The following STPG2 variants were observed in gnomAD, a reference collection of about 807,000 sequenced individuals.
The protein encoded by STPG2 is sperm-tail PG-rich repeat-containing protein 2.
Under a neutral mutation model 54.2 loss-of-function variants are expected in STPG2, and 56 were observed. The observed-to-expected ratio is 1.03, with a 90% CI of 0.83 to 1.29. STPG2 has a LOEUF of 1.29. STPG2 is among the 50% of genes most tolerant of loss of function. The probability of loss-of-function intolerance (pLI) is 0.00; values close to 1 mark genes in which losing one functional copy is unlikely to be tolerated. For synonymous variants in STPG2, 200 were observed against 181.8 expected, an observed-to-expected ratio of 1.10 and a Z score of -0.81; for missense variants, 596 against 544.9, an observed-to-expected ratio of 1.09 and a Z score of -0.93.
chr4:97,713,890 A>T (rs551707370), intron 9 of STPG2, among the ~76,000 whole-genome samples: 45 of 152,286 alleles, frequency 3.0e-4, no homozygotes, highest in African/African-American at 9.9e-4. Flanking sequence ...TGTCTATCAC[A>T]TGCCAAACCT....
intron 9 of STPG2, among the ~76,000 whole-genome samples, chr4:97,828,200 T>C (rs913216090): frequency 6.6e-5 from 10 of 152,014 alleles, no homozygotes; most frequent in African/African-American, 1.2e-4. Context: ...GTTCATCTCA[T>C]TGGGACTGGG....
At chr4:97,512,658 G>A (rs1180000399) in intron 4 of STPG2, among the ~76,000 whole-genome samples, 1 of 151,938 alleles carries the variant, frequency 6.6e-6, no homozygotes, top group Non-Finnish European at 1.5e-5. Context: ...GGGGTGGGAG[G>A]AAGAAGAAGG....
intron 5 of STPG2, among the ~76,000 whole-genome samples, chr4:98,070,634 C>A (rs1455523638): frequency 6.6e-6 from 1 of 151,992 alleles, no homozygotes; most frequent in Non-Finnish European, 1.5e-5. Context: ...AGCCCAAAAC[C>A]TTCTTAAGCT....
chr4:97,837,853 T>G (rs1479052915), intron 9 of STPG2, among the ~76,000 whole-genome samples: 1 of 151,614 alleles, frequency 6.6e-6, no homozygotes. Context: ...ATAAATCCCA[T>G]GAGATTACAA....
chr4:98,008,523 ATAAATAGTTTTATAAAAACTCACAGG>A (rs1735643142), intron 5 of STPG2, among the ~76,000 whole-genome samples: 1 of 9,712 alleles, frequency 1.0e-4, no homozygotes, highest in Non-Finnish European at 3.3e-4. Context: ...CACAGGTTTT[ATAAATAGTTTTATAAAAACTCACAGG>A]TTTTATAAAT....
chr4:98,091,427 G>A (rs1025689745), intron 5 of STPG2, among the ~76,000 whole-genome samples: 19 of 151,994 alleles, frequency 1.3e-4, no homozygotes, highest in Admixed American at 2.0e-4. Context: ...CTCATTGCCT[G>A]GAATGTTGTA....
At chr4:97,968,422 C>T (rs1734197309) in intron 7 of STPG2, among the ~76,000 whole-genome samples, 1 of 152,150 alleles carries the variant, frequency 6.6e-6, no homozygotes, top group African/African-American at 2.4e-5. Flanking sequence ...GGGAATCCTT[C>T]CTAACTCATT....
intron 8 of STPG2, among the ~76,000 whole-genome samples, chr4:97,886,315 G>C (rs1730567533): frequency 6.6e-6 from 1 of 152,168 alleles, no homozygotes; most frequent in South Asian, 2.1e-4. Context: ...CTTTTCAACA[G>C]TAATGCTTTA....
intron 8 of STPG2, among the ~76,000 whole-genome samples, chr4:97,855,230 C>T (rs1197417075): frequency 1.3e-5 from 2 of 151,944 alleles, no homozygotes; most frequent in African/African-American, 2.4e-5. Context: ...AATGTATTTC[C>T]CTGCTTAATA....
At chr4:98,069,967 G>C (rs188009086) in intron 5 of STPG2, among the ~76,000 whole-genome samples, 16 of 152,096 alleles carry the variant, frequency 1.1e-4, no homozygotes, top group Admixed American at 1.0e-3. Context: ...ACAAAAAAGA[G>C]CTAGTACCAT....
intron 7 of STPG2, among the ~76,000 whole-genome samples, chr4:97,966,526 C>T (rs1734105248): frequency 6.6e-6 from 1 of 152,076 alleles, no homozygotes; most frequent in African/African-American, 2.4e-5. Context: ...ACAGAGAACA[C>T]AACAAATATA....
chr4:97,833,978 T>C (rs1222965758), intron 9 of STPG2, among the ~76,000 whole-genome samples: 1 of 152,066 alleles, frequency 6.6e-6, no homozygotes, highest in African/African-American at 2.4e-5. Flanking sequence ...GAACCAGAAA[T>C]ACCATTTGAC....
At chr4:97,923,104 G>A (rs1413853888) in intron 8 of STPG2, among the ~76,000 whole-genome samples, 1 of 152,240 alleles carries the variant, frequency 6.6e-6, no homozygotes, top group Non-Finnish European at 1.5e-5. Flanking sequence ...AGCCCTCGCA[G>A]CCCTCGCTCA....
chr4:97,790,040 T>C (rs1190595353), intron 9 of STPG2, among the ~76,000 whole-genome samples: 1 of 152,208 alleles, frequency 6.6e-6, no homozygotes, highest in Admixed American at 6.6e-5. Flanking sequence ...AAAAAAAATT[T>C]ACATAATTAT....
intron 9 of STPG2, among the ~76,000 whole-genome samples, chr4:97,814,056 C>T (rs534863214): frequency 1.3e-5 from 2 of 152,064 alleles, no homozygotes; most frequent in East Asian, 3.9e-4. Context: ...TGATAATACA[C>T]CTAATGAGAT....
intron 10 of STPG2, among the ~76,000 whole-genome samples, chr4:97,673,232 C>T (rs1722749113): frequency 6.6e-6 from 1 of 152,072 alleles, no homozygotes; most frequent in South Asian, 2.1e-4. Context: ...AACTTGCATC[C>T]AATGAACAAC....
chr4:97,518,132 C>T (rs1325132372), intron 4 of STPG2, among the ~76,000 whole-genome samples: 1 of 152,054 alleles, frequency 6.6e-6, no homozygotes, highest in East Asian at 1.9e-4. Flanking sequence ...CACATTAATG[C>T]ACTAATGGTA....
chr4:97,467,206 C>T (rs1244176366), intron 4 of STPG2, among the ~76,000 whole-genome samples: 5 of 151,736 alleles, frequency 3.3e-5, no homozygotes, highest in Non-Finnish European at 7.4e-5. Context: ...ATATTTAAAA[C>T]CTTACAAAAT....
chr4:97,811,762 T>C (rs1187914702), intron 9 of STPG2, among the ~76,000 whole-genome samples: 2 of 152,048 alleles, frequency 1.3e-5, no homozygotes, highest in East Asian at 1.9e-4. Context: ...TGAAACCTAA[T>C]TGACAGTATC....
Sources: allele counts gnomAD v4.1 joint callset (sites outside exome capture counted in the v4.1 genomes callset), GRCh38; gene constraint gnomAD v4.1.1; transcripts MANE v1.5; gene names NCBI Gene and HGNC (gene_info 2026-07-23, HGNC 2026-07-21).